The following AIG1 variants were observed in gnomAD, a reference collection of about 807,000 sequenced individuals.
AIG1 encodes androgen-induced gene 1 protein.
AIG1 carries 23 observed loss-of-function variants against 31.4 expected under a neutral mutation model. The ratio of observed to expected loss-of-function variants is 0.73; its 90% CI spans 0.53 to 1.04. The LOEUF is 1.04. Ranked by LOEUF, AIG1 falls within the 50% of genes least tolerant of loss-of-function variation. The probability of loss-of-function intolerance (pLI) is 0.00; values close to 1 mark genes in which losing one functional copy is unlikely to be tolerated. For missense variants in AIG1, 274 were observed against 295.0 expected (o/e 0.93, Z 0.52); for synonymous variants, 100 against 110.5 (o/e 0.90, Z 0.60).
At chr6:143,339,503 G>C (rs1777753554) in intron 5 of AIG1, 136 bp from the exon 6 acceptor site, 3 of 785,296 alleles carry the variant, frequency 3.8e-6, no homozygotes, top group East Asian at 5.7e-5. Context: ...GAGGGAATAG[G>C]GGGTGTGTCA....
chr6:143,233,580 A>AG (rs1455478128), intron 3 of AIG1, among the ~76,000 whole-genome samples: 1 of 49,832 alleles, frequency 2.0e-5, no homozygotes, highest in African/African-American at 8.6e-5. Context: ...TTTATGGACC[A>AG]AAAAAAAAAA....
chr6:143,064,628 CTT>C (rs1208923317), intron 1 of AIG1, among the ~76,000 whole-genome samples: 1 of 152,182 alleles, frequency 6.6e-6, no homozygotes, highest in Admixed American at 6.5e-5. Context: ...AAACTTAACT[CTT>C]TTTGTACTTA....
chr6:143,302,178 C>CTTTTATTT (rs1798872530), intron 4 of AIG1, among the ~76,000 whole-genome samples: 1 of 149,274 alleles, frequency 6.7e-6, no homozygotes, highest in African/African-American at 2.5e-5. Context: ...GAAACTAACA[C>CTTTTATTT]TTTTATTTTT....
intron 3 of AIG1, among the ~76,000 whole-genome samples, chr6:143,181,548 ATTATT>A (rs1201553650): frequency 6.6e-6 from 1 of 152,216 alleles, no homozygotes; most frequent in Non-Finnish European, 1.5e-5. Context: ...TGAAGATTTG[ATTATT>A]TTGTTTATTC....
At chr6:143,110,585 A>T (rs1781178033) in intron 1 of AIG1, among the ~76,000 whole-genome samples, 1 of 152,202 alleles carries the variant, frequency 6.6e-6, no homozygotes, top group South Asian at 2.1e-4. Flanking sequence ...GTTTGTATAA[A>T]AGCAAAATCT....
At chr6:143,341,825 GCTTA>G (rs561969414), downstream of AIG1, among the ~76,000 whole-genome samples, 5 of 152,206 alleles carry the variant, frequency 3.3e-5, no homozygotes, top group Non-Finnish European at 5.9e-5. Context: ...ATTATTGTAA[GCTTA>G]CTTAGGCGGT....
rs1583758472 is a variant in AIG1 at position 143,291,021 on chromosome 6, T to C, written c.515+6796T>C. ...GGAGCTGTTGGGGGAAGGAAGGGCCTCTCCACACTGACCAAAGCCAAGTGT... is the reference window on the plus strand; with the variant it reads ...GGAGCTGTTGGGGGAAGGAAGGGCCCCTCCACACTGACCAAAGCCAAGTGT... On this transcript the variant is annotated intron_variant, in intron 4 of 5. Coordinates refer to ENST00000357847, the MANE Select transcript of AIG1 (RefSeq NM_016108.4). This position sits in a 1 kb window ranked among gnomAD's most constrained non-coding sequence, Gnocchi z 4.2. 6.6e-6 allele frequency among the ~76,000 whole-genome samples: 1 copy of C among 151,990 alleles called. No homozygotes were observed. Among genetic ancestry groups the C allele is most frequent in the East Asian group, 1.9e-4 (1 of 5,168 alleles).
chr6:143,154,907 G>A (rs1785587992), intron 2 of AIG1, among the ~76,000 whole-genome samples: 1 of 152,124 alleles, frequency 6.6e-6, no homozygotes, highest in Non-Finnish European at 1.5e-5. Flanking sequence ...GAGTGCAGCG[G>A]TGTGATCTCG....
intron 1 of AIG1, among the ~76,000 whole-genome samples, chr6:143,113,867 C>G (rs932912948): frequency 5.3e-5 from 8 of 151,862 alleles, no homozygotes; most frequent in African/African-American, 1.7e-4. Flanking sequence ...CTCTGCCTCC[C>G]GGGTTCATGG....
intron 3 of AIG1, among the ~76,000 whole-genome samples, chr6:143,214,847 A>G (rs1194956061): frequency 1.3e-5 from 2 of 152,072 alleles, no homozygotes; most frequent in African/African-American, 4.8e-5. Context: ...TCATATTGGA[A>G]TAGCTGTGCT....
At chr6:143,241,102 AT>A (rs1261688916) in intron 3 of AIG1, among the ~76,000 whole-genome samples, 1 of 152,134 alleles carries the variant, frequency 6.6e-6, no homozygotes, top group African/African-American at 2.4e-5. Flanking sequence ...AAAAAAAAAA[AT>A]CAACAACAAC....
In AIG1 at chr6:143,325,310, C is replaced by CAAGAG. The variant is rs1447859991; in HGVS notation, c.516-7972_516-7971insAAGAG. ...CAAGGCCCTTTCATGGGCCCACTTC[C>CAAGAG]TTCAGACCCTGTACTCTTCCTGGGT... is the stretch of plus-strand genomic sequence containing the variant. On this transcript the variant is annotated intron_variant, in intron 4 of 5. Transcript: ENST00000357847. The surrounding 1 kb of genome is among the most constrained non-coding windows in gnomAD (Gnocchi z 4.3). Among the ~76,000 whole-genome samples the CAAGAG allele has an allele frequency of 8.1e-3, 1,233 of 152,330 alleles. 7 individuals carry two copies. The highest frequency in any genetic ancestry group is 0.028 in the African/African-American group (1,184 of 41,576).
chr6:143,289,628 AT>A (rs1315568926), intron 4 of AIG1, among the ~76,000 whole-genome samples: 1 of 152,116 alleles, frequency 6.6e-6, no homozygotes, highest in Non-Finnish European at 1.5e-5. Context: ...ACAAAATTTG[AT>A]TATCTCCTAA....
At chr6:143,226,985 C>CTTTTT (rs11431811) in intron 3 of AIG1, among the ~76,000 whole-genome samples, 91 of 113,538 alleles carry the variant, frequency 8.0e-4, no homozygotes, top group Non-Finnish European at 1.0e-3. Flanking sequence ...GAGTTTTTGT[C>CTTTTT]TTTTTTTTTT....
At chr6:143,251,986 C>G (rs1007490106) in intron 3 of AIG1, among the ~76,000 whole-genome samples, 25 of 152,190 alleles carry the variant, frequency 1.6e-4, no homozygotes, top group African/African-American at 5.3e-4. Context: ...AATTTTCATG[C>G]CGCTTTGTCC....
intron 2 of AIG1, chr6:143,164,813 C>G (rs1052126472): frequency 9.8e-6 from 3 of 304,606 alleles, no homozygotes; most frequent in Non-Finnish European, 1.8e-5. Context: ...GAGCTGTACA[C>G]GAAAACAGGC....
intron 3 of AIG1, among the ~76,000 whole-genome samples, chr6:143,177,699 G>T (rs1282762633): frequency 6.6e-6 from 1 of 152,202 alleles, no homozygotes; most frequent in African/African-American, 2.4e-5. Context: ...GAGCATGGGT[G>T]TATGGCAGGT....
chr6:143,307,386 G>A (rs1376889710), intron 4 of AIG1, among the ~76,000 whole-genome samples: 9 of 152,162 alleles, frequency 5.9e-5, no homozygotes, highest in Middle Eastern at 3.2e-3. Context: ...TGATGTGGAT[G>A]TCCTTTCTGT....
chr6:143,216,030 G>A (rs1452967399), intron 3 of AIG1, among the ~76,000 whole-genome samples: 1 of 152,058 alleles, frequency 6.6e-6, no homozygotes, highest in Non-Finnish European at 1.5e-5. Context: ...GTAGCCTACT[G>A]ATCCCTGCTC....
Sources: allele counts gnomAD v4.1 joint callset (sites outside exome capture counted in the v4.1 genomes callset), GRCh38; gene constraint gnomAD v4.1.1; non-coding constraint Gnocchi (gnomAD v3.1); transcripts MANE v1.5; gene names NCBI Gene and HGNC (gene_info 2026-07-23, HGNC 2026-07-21).